ALX1: variants seen among roughly 807,000 people sequenced by gnomAD.
ALX1 encodes ALX homeobox protein 1.
ALX1 carries 19 observed loss-of-function variants against 31.7 expected under a neutral mutation model. The observed-to-expected ratio is 0.60, with a 90% CI of 0.42 to 0.88. The LOEUF is 0.88. Among genes scored for constraint, ALX1 ranks in the 40% least tolerant of loss-of-function variants. The pLI, the probability that ALX1 is intolerant of heterozygous loss-of-function variation, is 0.00. For synonymous variants in ALX1, 153 were observed against 148.8 expected (o/e 1.03, Z -0.20); for missense variants, 415 against 407.8 (o/e 1.02, Z -0.15).
In ALX1 at chr12:85,292,976, TATG is replaced by T. The variant is rs1896838211; in HGVS notation, c.660+6000_660+6002del. Reference sequence around the variant, plus strand: ...TAATATAGCGGTAATTAATACATTGTATGATGAGTGCTTTTACATCCATGAAAC... The same window carrying T: ...TAATATAGCGGTAATTAATACATTGTATGAGTGCTTTTACATCCATGAAAC... On this transcript the variant is annotated intron_variant, in intron 3 of 3. Coordinates refer to ENST00000316824, the MANE Select transcript of ALX1 (RefSeq NM_006982.3). Among the ~76,000 whole-genome samples the T allele has an allele frequency of 2.0e-5, 3 of 150,808 alleles. No homozygotes were observed. In the South Asian group the frequency reaches 6.2e-4, roughly 31 times the overall value.
At chr12:85,300,342 A>G (rs1896946699) in intron 3 of ALX1, among the ~76,000 whole-genome samples, 1 of 152,024 alleles carries the variant, frequency 6.6e-6, no homozygotes, top group Non-Finnish European at 1.5e-5. Context: ...ATGATAAAGC[A>G]GTTTCTACTC....
At chr12:85,287,936 C>T (rs1235270627) in intron 3 of ALX1, among the ~76,000 whole-genome samples, 1 of 151,486 alleles carries the variant, frequency 6.6e-6, no homozygotes, top group Admixed American at 6.6e-5. Flanking sequence ...ATGATCTGAA[C>T]CCCAAACTTG....
chr12:85,298,356 G>T lies in ALX1; in HGVS notation c.661-2799G>T, dbSNP rs76409154. 8.0e-3 allele frequency among the ~76,000 whole-genome samples: 1,213 copies of T among 151,722 alleles called. 7 individuals carry two copies. Among genetic ancestry groups the T allele is most frequent in the Non-Finnish European group, 0.011 (772 of 67,752 alleles). The stretch of plus-strand genomic sequence containing the variant: ...TAATATATTTAACATAATGCCTCAC[G>T]CATGGTAATTAATTGGTAACCATTA... On this transcript the variant is annotated intron_variant, in intron 3 of 3. Transcript: ENST00000316824.
intron 3 of ALX1, among the ~76,000 whole-genome samples, chr12:85,292,198 A>G (rs1040591759): frequency 6.6e-6 from 1 of 151,036 alleles, no homozygotes; most frequent in African/African-American, 2.4e-5. Context: ...CCAATCTCTG[A>G]GTAAATTTAC....
At position 85,301,733 on chromosome 12, in the gene ALX1, G is replaced by A. The variant is rs972849378; in HGVS notation, c.*258G>A. On this transcript the variant is annotated 3_prime_UTR_variant, in exon 4 of 4. Transcript: ENST00000316824. Reference sequence around the variant, plus strand: ...AAGGTTTTCTTTTTCTATTGTACAAGTCAATGAAATATGATCACGCAACTT... The same window carrying A: ...AAGGTTTTCTTTTTCTATTGTACAAATCAATGAAATATGATCACGCAACTT... 7 of 496,200 alleles carry A rather than the reference G, an allele frequency of 1.4e-5. 1 individual carries two copies. In the South Asian group the frequency reaches 2.0e-4, roughly 14 times the overall value. The allele number at this position is 496,200 out of a possible 1,614,324, so 30.7% of individuals were successfully genotyped here. A position where few individuals can be genotyped will look rare whatever the true frequency, so the allele number is the denominator to read the frequency against.
In ALX1 at chr12:85,283,867, C is replaced by T. The variant is rs1323613645; in HGVS notation, c.522C>T (p.Ala174=). 4 of 1,613,634 alleles carry T rather than the reference C, an allele frequency of 2.5e-6. No individual in the cohort carries two copies. The African/African-American group carries it at 4.0e-5, about 16-fold the overall frequency. Residue 174 remains alanine, a synonymous_variant, in exon 2 of 4, where the codon GCC becomes GCT. Coordinates refer to ENST00000316824, the MANE Select transcript of ALX1 (RefSeq NM_006982.3). The part of the protein sequence containing the change: ...QLALRTELTE[A]RVQVWFQNRR... Reference sequence around the variant, plus strand: ...CTCTGAGGACAGAGCTCACTGAGGCCAGGGTCCAGGTAGGAGCCAAAAAGA... The same window carrying T: ...CTCTGAGGACAGAGCTCACTGAGGCTAGGGTCCAGGTAGGAGCCAAAAAGA...
chr12:85,299,361 G>T (rs1896932109), intron 3 of ALX1, among the ~76,000 whole-genome samples: 1 of 151,452 alleles, frequency 6.6e-6, no homozygotes, highest in Admixed American at 6.6e-5. Context: ...CAGTCATTAT[G>T]TTTTGCCTAA....
chr12:85,288,217 C>G (rs1449192735), intron 3 of ALX1, among the ~76,000 whole-genome samples: 1 of 151,466 alleles, frequency 6.6e-6, no homozygotes, highest in Non-Finnish European at 1.5e-5. Context: ...TGGGTTCCTG[C>G]AGGAGAGACT....
Position 85,283,561 on chromosome 12 carries a change from T to C in ALX1, c.227-11T>C, listed in dbSNP as rs781082298. 3 of 1,613,902 alleles carry C rather than the reference T, an allele frequency of 1.9e-6. No homozygotes were observed. In the African/African-American group the frequency reaches 4.0e-5, roughly 22 times the overall value. ...TCCTGAGAACTGTTGTTTTTCCTCC[T>C]CTGGGTACAGTGAACTATGGGATCA... is the stretch of plus-strand genomic sequence containing the variant. On this transcript the variant is annotated splice_polypyrimidine_tract_variant and intron_variant, in intron 1 of 3. Transcript: ENST00000316824.
rs574726746 is a variant in ALX1 at position 85,297,398 on chromosome 12, C to A, written c.661-3757C>A. 1.9e-3 allele frequency among the ~76,000 whole-genome samples: 291 copies of A among 151,630 alleles called. 2 individuals carry two copies. In the Middle Eastern group the frequency reaches 0.037, roughly 19 times the overall value. On this transcript the variant is annotated intron_variant, in intron 3 of 3. Transcript: ENST00000316824. ...GGTTAAAAGCACTGGAGATGTTTAC[C>A]TGGAGAAAAAGGATTTGGGGGTTGT...
In ALX1 at chr12:85,301,277, T is replaced by G. The variant is rs1488215377; in HGVS notation, c.783T>G (p.Ser261Arg). 6.2e-7 allele frequency: 1 copy of G among 1,613,950 alleles called. No individual in the cohort carries two copies. The highest frequency in any genetic ancestry group is 8.5e-7 in the Non-Finnish European group (1 of 1,179,984). The change falls in exon 4 of 4, where the codon AGT becomes AGG. Residue 261 changes from serine to arginine, a missense_variant. By Grantham distance (110) the Ser-to-Arg change is moderately radical. Coordinates refer to ENST00000316824, the MANE Select transcript of ALX1 (RefSeq NM_006982.3). ...CTCACTCGCCTCGGACAGATTCCAG[T>G]TACACGGGGTTTTCAAACCACCAGA... ...PYSHSPRTDS[S>R]YTGFSNHQNQ...
intron 2 of ALX1, among the ~76,000 whole-genome samples, chr12:85,286,186 G>A (rs748154761): frequency 1.3e-5 from 2 of 151,794 alleles, no homozygotes; most frequent in East Asian, 1.9e-4. Context: ...GCACATTCAC[G>A]TATTTTAAAA....
chr12:85,288,549 C>T (rs561526286), intron 3 of ALX1, among the ~76,000 whole-genome samples: 1 of 151,584 alleles, frequency 6.6e-6, no homozygotes, highest in Admixed American at 6.6e-5. Flanking sequence ...CTCTAGGCTG[C>T]AAGCTCCATG....
chr12:85,280,849 G>A (rs770673024), intron 1 of ALX1, among the ~76,000 whole-genome samples: 9 of 151,784 alleles, frequency 5.9e-5, no homozygotes, highest in Non-Finnish European at 1.2e-4. Flanking sequence ...CTTCCTCTGC[G>A]AGCCCGCCTT....
At chr12:85,290,281 AG>A (rs1376698124) in intron 3 of ALX1, among the ~76,000 whole-genome samples, 1 of 151,186 alleles carries the variant, frequency 6.6e-6, no homozygotes. Context: ...GCATATTTAA[AG>A]CCAGACACTG....
intron 2 of ALX1, among the ~76,000 whole-genome samples, chr12:85,286,562 A>G (rs1195176759): frequency 6.6e-6 from 1 of 151,860 alleles, no homozygotes. Flanking sequence ...ATATAATCTA[A>G]TTGCTTTTTG....
intron 3 of ALX1, among the ~76,000 whole-genome samples, chr12:85,293,849 T>G (rs1481542703): frequency 6.6e-6 from 1 of 151,160 alleles, no homozygotes; most frequent in African/African-American, 2.4e-5. Context: ...TTCACCCTAT[T>G]GTTAGTGTGA....
chr12:85,301,165 AT>A lies in ALX1; in HGVS notation c.674del (p.Leu225CysfsTer25). On this transcript the variant is annotated frameshift_variant, in exon 4 of 4. Coordinates refer to ENST00000316824, the MANE Select transcript of ALX1 (RefSeq NM_006982.3). LOFTEE classifies it high-confidence loss of function. ...RTDSYPQIQN[N>X]LWAGNASGGS... is the part of the protein sequence containing the mutation. ...TTTTATATATTCCAGATTCAGAACA[AT>A]TTGTGGGCAGGAAATGCAAGTGGTG... The A allele has an allele frequency of 6.2e-7, 1 of 1,614,006 alleles. No individual in the cohort carries two copies. The highest frequency in any genetic ancestry group is 8.5e-7 in the Non-Finnish European group (1 of 1,179,902).
At chr12:85,285,349 T>A (rs1318462930) in intron 2 of ALX1, among the ~76,000 whole-genome samples, 1 of 151,850 alleles carries the variant, frequency 6.6e-6, no homozygotes, top group African/African-American at 2.4e-5. Flanking sequence ...TGTCAAGTTC[T>A]TTTTGTCAAT....
Sources: gnomAD v4.1 joint callset for allele counts (sites outside exome capture counted in the v4.1 genomes callset) on GRCh38, gnomAD v4.1.1 for gene constraint, MANE v1.5 for transcripts, NCBI Gene and HGNC (gene_info 2026-07-23, HGNC 2026-07-21) for gene names.